The following CALHM6 variants were observed in gnomAD, a reference collection of about 807,000 sequenced individuals.
The protein encoded by CALHM6 is calcium homeostasis modulator protein 6.
A neutral mutation model predicts 12.7 loss-of-function variants in CALHM6; 15 were observed. That is an observed-to-expected ratio of 1.18 (90% CI 0.79 to 1.82). The LOEUF is 1.82. Among genes scored for constraint, CALHM6 ranks in the 40% most tolerant of loss-of-function variants. The pLI is 0.00. For missense variants in CALHM6, 434 were observed against 421.0 expected (o/e 1.03, Z -0.27); for synonymous variants, 212 against 193.7 (o/e 1.09, Z -0.78).
intron 1 of CALHM6, 131 bp downstream of exon 1, chr6:116,461,560 GT>G (rs1474084739): frequency 6.4e-5 from 55 of 864,700 alleles, no homozygotes; most frequent in Non-Finnish European, 9.9e-5. Context: ...AAGAAGGTTA[GT>G]TTCCTGGTTC....
In CALHM6 at chr6:116,463,740, ATTATTGCT is replaced by A; in HGVS notation, c.*41_*48del. On this transcript the variant is annotated 3_prime_UTR_variant, in exon 3 of 3. Coordinates refer to ENST00000368605, the MANE Select transcript of CALHM6 (RefSeq NM_001010919.3). Reference sequence around the variant, plus strand: ...TGAGTAGAAAAAAAAATTGTTTTGAATTATTGCTTTATTAAAAAATAAACATTGGTATT... The same window carrying A: ...TGAGTAGAAAAAAAAATTGTTTTGAATTATTAAAAAATAAACATTGGTATT... 6.9e-7 allele frequency: 1 copy of A among 1,439,862 alleles called. No homozygotes were observed. Among genetic ancestry groups the A allele is most frequent in the Non-Finnish European group, 9.3e-7 (1 of 1,080,910 alleles). The allele number at this position is 1,439,862 out of a possible 1,614,324, so 89.2% of individuals were successfully genotyped here.
Position 116,461,908 on chromosome 6 carries a change from G to T in CALHM6, c.-22G>T. The T allele has an allele frequency of 6.8e-7, 1 of 1,480,244 alleles. No individual in the cohort carries two copies. Among genetic ancestry groups the T allele is most frequent in the Non-Finnish European group, 9.0e-7 (1 of 1,108,196 alleles). The allele number at this position is 1,480,244 out of a possible 1,614,324, so 91.7% of individuals were successfully genotyped here. ...GGCAGAAGGATCTGGGCCTGTGCGCGACGCCCCGGGGGACGAGGCTCATGG... is the reference window on the plus strand; with the variant it reads ...GGCAGAAGGATCTGGGCCTGTGCGCTACGCCCCGGGGGACGAGGCTCATGG... On this transcript the variant is annotated 5_prime_UTR_variant, in exon 2 of 3. Transcript: ENST00000368605.
chr6:116,462,099 TGGTGCC>T lies in CALHM6; in HGVS notation c.173_178del (p.Val58_Pro59del). On this transcript the variant is annotated inframe_deletion, in exon 2 of 3. Coordinates refer to ENST00000368605, the MANE Select transcript of CALHM6 (RefSeq NM_001010919.3). Reference sequence around the variant, plus strand: ...CTGCCCTACGGCCTGGTCTTCTTGCTGGTGCCGGCGCTCGCGCTCTTCCTCCTGGGC... The same window carrying T: ...CTGCCCTACGGCCTGGTCTTCTTGCTGGCGCTCGCGCTCTTCCTCCTGGGC... 1 of 1,544,170 alleles carries T rather than the reference TGGTGCC, an allele frequency of 6.5e-7. No homozygotes were observed.
Position 116,462,336 on chromosome 6 carries a change from A to G in CALHM6, c.407A>G (p.Gln136Arg). 1.4e-6 allele frequency: 2 copies of G among 1,444,976 alleles called. No homozygotes were observed. Among genetic ancestry groups the G allele is most frequent in the East Asian group, 3.0e-5 (1 of 33,294 alleles). 89.5% of individuals were successfully genotyped at this position (1,444,976 alleles called of 1,614,324 possible). ...GCCACCGGGAGCGCGGCCTTCGCGC[A>G]GCGCCTGTGCCTCGGCCGCAACCGC... ...CAATGSAAFA[Q>R]RLCLGRNRSC... Residue 136 changes from glutamine to arginine, a missense_variant, in exon 2 of 3, where the codon CAG becomes CGG. Transcript: ENST00000368605.
Position 116,462,136 on chromosome 6 carries a change from G to A in CALHM6, c.207G>A (p.Val69=). The change falls in exon 2 of 3, where the codon GTG becomes GTA. Residue 69 remains valine (V), a synonymous_variant. Transcript: ENST00000368605. ...PALALFLLGY[V]LSARTWRLLT... ...TCGCGCTCTTCCTCCTGGGCTACGT[G>A]CTGAGCGCACGCACGTGGCGCCTGC... The A allele has an allele frequency of 6.5e-7, 1 of 1,534,116 alleles. No homozygotes were observed. The highest frequency in any genetic ancestry group is 8.8e-7 in the Non-Finnish European group (1 of 1,142,642).
In CALHM6 at chr6:116,462,184, C is replaced by T; in HGVS notation, c.255C>T (p.Ala85=). The T allele has an allele frequency of 2.6e-6, 4 of 1,512,438 alleles. No homozygotes were observed. The South Asian group carries it at 4.9e-5, about 18-fold the overall frequency. 93.7% of individuals were successfully genotyped at this position (1,512,438 alleles called of 1,614,324 possible). A position where few individuals can be genotyped will look rare whatever the true frequency, so the allele number is the denominator to read the frequency against. Residue 85 remains alanine, a synonymous_variant, in exon 2 of 3, where the codon GCC becomes GCT. Transcript: ENST00000368605. Reference sequence around the variant, plus strand: ...TGCTCACCGGATGCTGCTCCAGCGCCCGCGCGAGTTGCGGATCGGCGCTGC... The same window carrying T: ...TGCTCACCGGATGCTGCTCCAGCGCTCGCGCGAGTTGCGGATCGGCGCTGC... The part of the protein sequence containing the change: ...WRLLTGCCSS[A]RASCGSALRG...
Position 116,462,376 on chromosome 6 carries a change from G to A in CALHM6, c.447G>A (p.Glu149=). Residue 149 remains glutamate (E), a synonymous_variant, in exon 2 of 3, where the codon GAG becomes GAA. Transcript: ENST00000368605. ...CLGRNRSCAA[E]LPLVPCNQAK... The stretch of plus-strand genomic sequence containing the variant: ...GCCGCAACCGCAGCTGCGCCGCGGA[G>A]CTGCCGCTGGTGCCGTGCAACCAGG... The A allele has an allele frequency of 2.7e-6, 4 of 1,460,554 alleles. No individual in the cohort carries two copies. Among genetic ancestry groups the A allele is most frequent in the Non-Finnish European group, 3.6e-6 (4 of 1,110,320 alleles). The allele number at this position is 1,460,554 out of a possible 1,614,324, so 90.5% of individuals were successfully genotyped here.
chr6:116,462,106 G>C lies in CALHM6; in HGVS notation c.177G>C (p.Pro59=). 6.5e-7 allele frequency: 1 copy of C among 1,542,442 alleles called. No homozygotes were observed. The change falls in exon 2 of 3, where the codon CCG becomes CCC. Residue 59 remains proline (P), a synonymous_variant. Coordinates refer to ENST00000368605, the MANE Select transcript of CALHM6 (RefSeq NM_001010919.3). ...ACGGCCTGGTCTTCTTGCTGGTGCC[G>C]GCGCTCGCGCTCTTCCTCCTGGGCT... ...LPYGLVFLLV[P]ALALFLLGYV... is the part of the protein sequence containing the mutation.
chr6:116,461,543 G>A, intron 1 of CALHM6, 114 bp downstream of exon 1: 1 of 1,028,340 alleles, frequency 9.7e-7, no homozygotes, highest in Middle Eastern at 2.0e-4. Context: ...ACTGGCGGCC[G>A]TGGGTCAAGA....
Position 116,463,470 on chromosome 6 carries a change from A to G in CALHM6, c.713A>G (p.Lys238Arg), listed in dbSNP as rs779304268. ...HATELAKENI[K>R]CFFEGSHPKE... ...ACTGAATTGGCAAAAGAGAATATTA[A>G]ATGTTTCTTTGAGGGCTCGCATCCA... The change falls in exon 3 of 3, where the codon AAA (lysine) becomes AGA (arginine). Residue 238 changes from lysine (K) to arginine (R), a missense_variant. By Grantham distance (26) the Lys-to-Arg change is conservative. Coordinates refer to ENST00000368605, the MANE Select transcript of CALHM6 (RefSeq NM_001010919.3). 1.9e-6 allele frequency: 3 copies of G among 1,614,168 alleles called. No individual in the cohort carries two copies. In the South Asian group the frequency reaches 3.3e-5, roughly 18 times the overall value.
intron 1 of CALHM6, 92 bp from the exon 2 acceptor site, chr6:116,461,780 C>T: frequency 2.1e-6 from 2 of 945,574 alleles, no homozygotes; most frequent in African/African-American, 3.6e-5. Flanking sequence ...GTCTGAGAAG[C>T]CCTCTTCCCT....
chr6:116,462,234 T>C lies in CALHM6; in HGVS notation c.305T>C (p.Ile102Thr). The C allele has an allele frequency of 7.2e-7, 1 of 1,380,088 alleles. No individual in the cohort carries two copies. The highest frequency in any genetic ancestry group is 2.6e-4 in the Middle Eastern group (1 of 3,850). The allele number at this position is 1,380,088 out of a possible 1,614,324, so 85.5% of individuals were successfully genotyped here. ...CGCGGCTCCCTGGTGTGCACGCAAATCAGCGCGGCCGCCGCGCTCGCGCCC... is the reference window on the plus strand; with the variant it reads ...CGCGGCTCCCTGGTGTGCACGCAAACCAGCGCGGCCGCCGCGCTCGCGCCC... Reference protein sequence around the residue: ...ALRGSLVCTQISAAAALAPLT... With the variant: ...ALRGSLVCTQTSAAAALAPLT... The change falls in exon 2 of 3, where the codon ATC becomes ACC. Residue 102 changes from isoleucine to threonine, a missense_variant. Transcript: ENST00000368605.
At chr6:116,462,955 T>C (rs936954576) in intron 2 of CALHM6, among the ~76,000 whole-genome samples, 2 of 152,216 alleles carry the variant, frequency 1.3e-5, no homozygotes, top group African/African-American at 4.8e-5. Context: ...ACCACTGGAC[T>C]TAGAAAGCTC....
At chr6:116,461,792 T>A (rs199653279) in intron 1 of CALHM6, 80 bp from the exon 2 acceptor site, 516 of 746,674 alleles carry the variant, frequency 6.9e-4, no homozygotes, top group South Asian at 1.2e-3. Flanking sequence ...CTCTTCCCTT[T>A]AAAAAAAAAA....
intron 2 of CALHM6, among the ~76,000 whole-genome samples, chr6:116,462,909 C>G (rs911435479): frequency 1.3e-5 from 2 of 152,194 alleles, no homozygotes; most frequent in African/African-American, 4.8e-5. Context: ...TTAAAGGGGT[C>G]TATAGAATAA....
At position 116,462,285 on chromosome 6, in the gene CALHM6, TC is replaced by T. The variant is rs1784791703; in HGVS notation, c.357del (p.Gly121AlafsTer47). On this transcript the variant is annotated frameshift_variant, in exon 2 of 3. Transcript: ENST00000368605. LOFTEE classifies it high-confidence loss of function. ...APLTWVAVAL[L>X]GGAFYECAAT... ...CTCACCTGGGTGGCCGTGGCGCTGC[TC>T]GGGGGCGCCTTTTACGAGTGCGCGG... 7.1e-7 allele frequency: 1 copy of T among 1,402,916 alleles called. No individual in the cohort carries two copies. The highest frequency in any genetic ancestry group is 9.2e-7 in the Non-Finnish European group (1 of 1,085,634). The allele number at this position is 1,402,916 out of a possible 1,614,324, so 86.9% of individuals were successfully genotyped here.
chr6:116,462,370 C>A lies in CALHM6; in HGVS notation c.441C>A (p.Ala147=). The change falls in exon 2 of 3, where the codon GCC becomes GCA. Residue 147 remains alanine (A), a synonymous_variant. Transcript: ENST00000368605. The part of the protein sequence containing the change: ...RLCLGRNRSC[A]AELPLVPCNQ... ...GCCTCGGCCGCAACCGCAGCTGCGC[C>A]GCGGAGCTGCCGCTGGTGCCGTGCA... 1 of 1,456,104 alleles carries A rather than the reference C, an allele frequency of 6.9e-7. No homozygotes were observed. Among genetic ancestry groups the A allele is most frequent in the Non-Finnish European group, 9.0e-7 (1 of 1,108,764 alleles). The allele number at this position is 1,456,104 out of a possible 1,614,324, so 90.2% of individuals were successfully genotyped here. A position where few individuals can be genotyped will look rare whatever the true frequency, so the allele number is the denominator to read the frequency against.
chr6:116,462,710 A>G (rs1726631285), intron 2 of CALHM6, among the ~76,000 whole-genome samples: 1 of 151,994 alleles, frequency 6.6e-6, no homozygotes, highest in Non-Finnish European at 1.5e-5. Flanking sequence ...GGGCACGCCT[A>G]CTCAGTGCCA....
intron 2 of CALHM6, 77 bp from the exon 3 acceptor site, chr6:116,463,206 A>C (rs966834289): frequency 2.8e-6 from 4 of 1,420,300 alleles, no homozygotes; most frequent in Non-Finnish European, 3.8e-6. Flanking sequence ...CGAGTAGTTG[A>C]AACTTTATCT....
Sources: allele counts gnomAD v4.1 joint callset (sites outside exome capture counted in the v4.1 genomes callset), GRCh38; gene constraint gnomAD v4.1.1; transcripts MANE v1.5; gene names NCBI Gene and HGNC (gene_info 2026-07-23, HGNC 2026-07-21).